The following NOL4L variants were observed in gnomAD, a reference collection of about 807,000 sequenced individuals.
NOL4L encodes the protein nucleolar protein 4 like.
Under a neutral mutation model 64.5 loss-of-function variants are expected in NOL4L, and 7 were observed. The ratio of observed to expected loss-of-function variants is 0.11; its 90% CI spans 0.06 to 0.20. The LOEUF (loss-of-function observed/expected upper bound fraction) is 0.20. Among genes scored for constraint, NOL4L ranks in the 10% least tolerant of loss-of-function variants. The probability of loss-of-function intolerance (pLI) is 1.00; values close to 1 mark genes in which losing one functional copy is unlikely to be tolerated. For synonymous variants in NOL4L, 413 were observed against 401.0 expected (o/e 1.03, Z -0.36); for missense variants, 680 against 967.1 (o/e 0.70, Z 3.94).
At chr20:32,525,061 A>G (rs980979782) in intron 2 of NOL4L, among the ~76,000 whole-genome samples, 1 of 152,212 alleles carries the variant, frequency 6.6e-6, no homozygotes, top group African/African-American at 2.4e-5. Context: ...TGCCAGCTCC[A>G]GGCTGGGCAG....
intron 1 of NOL4L, among the ~76,000 whole-genome samples, chr20:32,577,405 G>A (rs1006884479): frequency 3.9e-5 from 6 of 152,224 alleles, no homozygotes; most frequent in African/African-American, 1.4e-4. Context: ...GAAGAATTCA[G>A]AGGCAGGGAG....
chr20:32,466,526 A>G (rs2014570677), intron 5 of NOL4L, among the ~76,000 whole-genome samples: 1 of 152,108 alleles, frequency 6.6e-6, no homozygotes, highest in African/African-American at 2.4e-5. Context: ...CCCACAGCCA[A>G]TCCCTGGAAG....
At chr20:32,532,445 C>G in intron 1 of NOL4L, 1 of 867,864 alleles carries the variant, frequency 1.2e-6, no homozygotes. Context: ...AGGGATCCGA[C>G]AGTAGTCACG....
chr20:32,535,957 G>A, intron 1 of NOL4L: 1 of 985,716 alleles, frequency 1.0e-6, no homozygotes, highest in South Asian at 4.7e-5. Context: ...GGCAGGGAGA[G>A]GGTCCACAGG....
chr20:32,449,926 C>G (rs1010804141), intron 10 of NOL4L: 2 of 152,452 alleles, frequency 1.3e-5, no homozygotes, highest in Admixed American at 1.3e-4. Context: ...AAGTGCTATC[C>G]TGTTCATGCC....
At chr20:32,474,075 C>T (rs931256604) in intron 5 of NOL4L, among the ~76,000 whole-genome samples, 2 of 152,248 alleles carry the variant, frequency 1.3e-5, no homozygotes, top group East Asian at 1.9e-4. Flanking sequence ...TGCGCGGAGG[C>T]GGTCAGGGCT....
intron 5 of NOL4L, among the ~76,000 whole-genome samples, chr20:32,470,619 C>G (rs569137037): frequency 1.3e-5 from 2 of 152,252 alleles, no homozygotes; most frequent in African/African-American, 4.8e-5. Context: ...CCCTCCACAC[C>G]CTATGATGTG....
At chr20:32,536,356 G>A in intron 1 of NOL4L, 1 of 982,238 alleles carries the variant, frequency 1.0e-6, no homozygotes, top group Non-Finnish European at 1.2e-6. Context: ...CCCAGGTGCG[G>A]GCCCCACCCA....
At chr20:32,483,381 G>T in intron 4 of NOL4L, 3 of 985,016 alleles carry the variant, frequency 3.0e-6, no homozygotes, top group Middle Eastern at 5.2e-4. Context: ...AAGCGAGGCG[G>T]AGATGGGCGG....
chr20:32,520,782 C>T (rs767909929), intron 3 of NOL4L, 29 bp downstream of exon 3: 46 of 1,426,366 alleles, frequency 3.2e-5, no homozygotes, highest in Non-Finnish European at 5.8e-6. Flanking sequence ...GGCCCCCGCC[C>T]TAGCCCTCCA....
intron 1 of NOL4L, among the ~76,000 whole-genome samples, chr20:32,534,120 A>G (rs2018435094): frequency 6.6e-6 from 1 of 152,206 alleles, no homozygotes. Context: ...CCATCACTAT[A>G]TTAGTAGAGT....
At chr20:32,538,031 G>A (rs1049107919) in intron 1 of NOL4L, among the ~76,000 whole-genome samples, 1 of 152,070 alleles carries the variant, frequency 6.6e-6, no homozygotes, top group African/African-American at 2.4e-5. Context: ...CCACTGCCTC[G>A]GCCTCCAAAA....
At chr20:32,518,765 G>A (rs558640822) in intron 3 of NOL4L, among the ~76,000 whole-genome samples, 84 of 152,338 alleles carry the variant, frequency 5.5e-4, no homozygotes, top group Admixed American at 1.2e-3. Flanking sequence ...TGGCCCCTGC[G>A]GCCTAAACCC....
intron 1 of NOL4L, among the ~76,000 whole-genome samples, chr20:32,529,744 C>T (rs1220376094): frequency 2.0e-5 from 3 of 152,170 alleles, no homozygotes; most frequent in Non-Finnish European, 2.9e-5. Flanking sequence ...GGCCCTCTTG[C>T]CAGTGGCTTC....
chr20:32,575,677 C>T (rs949447222), intron 1 of NOL4L, among the ~76,000 whole-genome samples: 3 of 152,206 alleles, frequency 2.0e-5, no homozygotes, highest in African/African-American at 4.8e-5. Context: ...AAAACACAGA[C>T]GCAGTCCGCC....
chr20:32,488,849 T>TTCC (rs2016308168), intron 4 of NOL4L, among the ~76,000 whole-genome samples: 2 of 97,296 alleles, frequency 2.1e-5, no homozygotes, highest in Non-Finnish European at 3.7e-5. Flanking sequence ...CTTTCTTTCT[T>TTCC]TCTTTCTTTC....
chr20:32,527,409 A>ACCCCAGCC (rs2018170646), intron 2 of NOL4L, among the ~76,000 whole-genome samples: 1 of 151,856 alleles, frequency 6.6e-6, no homozygotes, highest in Non-Finnish European at 1.5e-5. Flanking sequence ...TGTCCCCAGC[A>ACCCCAGCC]CCCCAGCCCC....
chr20:32,497,999 AT>A (rs1179139534), intron 4 of NOL4L, among the ~76,000 whole-genome samples: 4 of 152,116 alleles, frequency 2.6e-5, no homozygotes, highest in Admixed American at 1.3e-4. Context: ...TGCTTCCTGC[AT>A]TTTTTCCCCC....
intron 4 of NOL4L, among the ~76,000 whole-genome samples, chr20:32,486,401 T>C (rs2016087461): frequency 6.6e-6 from 1 of 152,182 alleles, no homozygotes. Context: ...GGGGGGACAA[T>C]GCTGCCACAG....
Sources: allele counts gnomAD v4.1 joint callset (sites outside exome capture counted in the v4.1 genomes callset), GRCh38; gene constraint gnomAD v4.1.1; transcripts MANE v1.5; gene names NCBI Gene and HGNC (gene_info 2026-07-23, HGNC 2026-07-21).